ELMO1: variants seen among roughly 807,000 people sequenced by gnomAD.
ELMO1 encodes engulfment and cell motility protein 1.
In ELMO1, 26 loss-of-function variants were observed where a neutral mutation model predicts 98.9. The observed-to-expected ratio is 0.26, with a 90% CI of 0.19 to 0.36. The LOEUF (loss-of-function observed/expected upper bound fraction) is 0.36, where lower values mean the gene tolerates loss of function less well. Ranked by LOEUF, ELMO1 falls within the 10% of genes least tolerant of loss-of-function variation. The pLI is 1.00. For missense variants in ELMO1, 627 were observed against 935.2 expected, an observed-to-expected ratio of 0.67 and a Z score of 4.30; for synonymous variants, 346 against 346.0, an observed-to-expected ratio of 1.00 and a Z score of 0.00.
chr7:37,163,237 T>C (rs563205613), intron 13 of ELMO1, among the ~76,000 whole-genome samples: 2 of 152,172 alleles, frequency 1.3e-5, no homozygotes, highest in African/African-American at 4.8e-5. Flanking sequence ...TTTGAGTTAT[T>C]ATGGGAAAAT....
At chr7:37,081,311 A>G (rs537885307) in intron 15 of ELMO1, among the ~76,000 whole-genome samples, 1 of 152,356 alleles carries the variant, frequency 6.6e-6, no homozygotes, top group South Asian at 2.1e-4. Flanking sequence ...AGTTTGAATG[A>G]ACTTTTGAAT....
intron 4 of ELMO1, among the ~76,000 whole-genome samples, chr7:37,297,999 CTTTT>C (rs1284059243): frequency 6.6e-6 from 1 of 152,026 alleles, no homozygotes; most frequent in Non-Finnish European, 1.5e-5. Flanking sequence ...GGATTTTGAT[CTTTT>C]TTTAATTTAC....
chr7:37,289,425 A>C (rs534263326), intron 4 of ELMO1, among the ~76,000 whole-genome samples: 1 of 152,360 alleles, frequency 6.6e-6, no homozygotes, highest in African/African-American at 2.4e-5. Flanking sequence ...ACATGTCTGC[A>C]ACACATCCTG....
At chr7:36,888,961 T>C (rs1805289889) in intron 17 of ELMO1, among the ~76,000 whole-genome samples, 1 of 152,182 alleles carries the variant, frequency 6.6e-6, no homozygotes, top group African/African-American at 2.4e-5. Flanking sequence ...ATAACAGCTT[T>C]TGGGGAAAGT....
At chr7:37,130,452 A>G (rs1164801882) in intron 14 of ELMO1, among the ~76,000 whole-genome samples, 1 of 152,216 alleles carries the variant, frequency 6.6e-6, no homozygotes, top group Non-Finnish European at 1.5e-5. Context: ...AGCAACGGTC[A>G]GCAACAGAGC....
rs778602057 is a variant in ELMO1 at position 36,855,698 on chromosome 7, G to A, written c.2037C>T (p.Ser679=). Residue 679 remains serine, a synonymous_variant, in exon 22 of 22, where the codon AGC becomes AGT. Transcript: ENST00000310758. The surrounding 1 kb of genome is among the most constrained non-coding windows in gnomAD (Gnocchi z 4.2). ...TGTCCAGGTCATTCCGCGTCAGGTC[G>A]CTCATCATGTCCTTCCCGAGTAGCG... The part of the protein sequence containing the change: ...LNALLGKDMM[S]DLTRNDLDTL... The A allele has an allele frequency of 9.3e-6, 15 of 1,613,932 alleles. No individual in the cohort carries two copies. The highest frequency in any genetic ancestry group is 4.5e-5 in the East Asian group (2 of 44,886).
chr7:37,203,133 C>T (rs1792393688), intron 13 of ELMO1, among the ~76,000 whole-genome samples: 1 of 152,204 alleles, frequency 6.6e-6, no homozygotes, highest in South Asian at 2.1e-4. Flanking sequence ...CCAAGAAGGT[C>T]AGATTTAGTG....
chr7:37,427,630 G>A (rs1804762766), intron 1 of ELMO1, among the ~76,000 whole-genome samples: 1 of 152,214 alleles, frequency 6.6e-6, no homozygotes, highest in South Asian at 2.1e-4. Flanking sequence ...GTAAAAGTGA[G>A]CCTAAGTGGC....
intron 15 of ELMO1, among the ~76,000 whole-genome samples, chr7:37,034,452 T>A (rs1795065101): frequency 6.6e-6 from 1 of 152,168 alleles, no homozygotes; most frequent in Non-Finnish European, 1.5e-5. Flanking sequence ...ACAGTTGACC[T>A]ATGAACAACA....
At chr7:37,221,705 C>CT (rs1554445835) in intron 10 of ELMO1, among the ~76,000 whole-genome samples, 4 of 149,868 alleles carry the variant, frequency 2.7e-5, no homozygotes, top group South Asian at 2.1e-4. Flanking sequence ...CTTTTTTTTT[C>CT]TTTTTTTTAA....
intron 14 of ELMO1, among the ~76,000 whole-genome samples, chr7:37,123,919 C>A (rs1423640646): frequency 6.6e-6 from 1 of 152,176 alleles, no homozygotes; most frequent in South Asian, 2.1e-4. Flanking sequence ...TCCAGCAGCA[C>A]ATCAAAAAAC....
rs1463773230 is a variant in ELMO1, at chr7:37,016,689, C to T, written c.1301-3254G>A. Among the ~76,000 whole-genome samples the T allele has an allele frequency of 3.3e-5, 5 of 152,278 alleles. No homozygotes were observed. In the South Asian group the frequency reaches 6.2e-4, roughly 19 times the overall value. On this transcript the variant is annotated intron_variant, in intron 15 of 21. Coordinates refer to ENST00000310758, the MANE Select transcript of ELMO1 (RefSeq NM_014800.11). Reference sequence around the variant, plus strand: ...GAGATAGCAGTACCAAGGCCTGCACCGCCAGCAGCCACGCACCGGGCACTG... The same window carrying T: ...GAGATAGCAGTACCAAGGCCTGCACTGCCAGCAGCCACGCACCGGGCACTG...
chr7:37,321,880 C>T (rs1327400787), intron 2 of ELMO1, among the ~76,000 whole-genome samples: 26 of 114,942 alleles, frequency 2.3e-4, no homozygotes, highest in African/African-American at 8.0e-4. Flanking sequence ...TTTTTGTAAA[C>T]GGAGTCTCCC....
intron 16 of ELMO1, among the ~76,000 whole-genome samples, chr7:36,963,335 G>A (rs1304551663): frequency 6.6e-6 from 1 of 151,740 alleles, no homozygotes; most frequent in African/African-American, 2.4e-5. Context: ...CCGAGATTGC[G>A]CCACTGCACT....
At chr7:37,171,483 ATTTTTT>A (rs71780142) in intron 13 of ELMO1, among the ~76,000 whole-genome samples, 13 of 82,946 alleles carry the variant, frequency 1.6e-4, no homozygotes, top group East Asian at 4.7e-4. Context: ...AGGCCTTTCT[ATTTTTT>A]TTTTTTTTTT....
intron 19 of ELMO1, among the ~76,000 whole-genome samples, chr7:36,872,847 T>A (rs1803640392): frequency 6.6e-6 from 1 of 152,226 alleles, no homozygotes; most frequent in Non-Finnish European, 1.5e-5. Flanking sequence ...AAGTGTCTTG[T>A]AGAAAGTTTT....
At chr7:37,207,609 A>G (rs983263843) in intron 13 of ELMO1, among the ~76,000 whole-genome samples, 1 of 151,996 alleles carries the variant, frequency 6.6e-6, no homozygotes, top group Non-Finnish European at 1.5e-5. Context: ...GGGACCTACA[A>G]AGGCCTGTCC....
At chr7:37,126,842 G>A (rs1013794782) in intron 14 of ELMO1, among the ~76,000 whole-genome samples, 1 of 152,154 alleles carries the variant, frequency 6.6e-6, no homozygotes, top group Admixed American at 6.5e-5. Context: ...GAATATGAAT[G>A]TTAAAAGGAT....
intron 18 of ELMO1, among the ~76,000 whole-genome samples, chr7:36,885,626 A>G (rs923503185): frequency 6.6e-6 from 1 of 152,098 alleles, no homozygotes; most frequent in Non-Finnish European, 1.5e-5. Flanking sequence ...TATCCCAAAC[A>G]TTGATTTTTC....
Sources: allele counts gnomAD v4.1 joint callset (sites outside exome capture counted in the v4.1 genomes callset), GRCh38; gene constraint gnomAD v4.1.1; non-coding constraint Gnocchi (gnomAD v3.1); transcripts MANE v1.5; gene names NCBI Gene and HGNC (gene_info 2026-07-23, HGNC 2026-07-21).